Variants in GPHN observed in about 807,000 individuals in gnomAD.
GPHN encodes the protein gephyrin.
A neutral mutation model predicts 95.5 loss-of-function variants in GPHN; 17 were observed. That is an observed-to-expected ratio of 0.18 (90% CI 0.12 to 0.27). GPHN has a LOEUF of 0.27. GPHN is among the 10% of genes least tolerant of loss of function. The probability of loss-of-function intolerance (pLI) is 1.00; values close to 1 mark genes in which losing one functional copy is unlikely to be tolerated. For missense variants in GPHN, 660 were observed against 978.1 expected, an observed-to-expected ratio of 0.67 and a Z score of 4.34; for synonymous variants, 320 against 322.5, an observed-to-expected ratio of 0.99 and a Z score of 0.08.
chr14:66,525,688 T>C (rs1594819704), intron 1 of GPHN, among the ~76,000 whole-genome samples: 1 of 152,178 alleles, frequency 6.6e-6, no homozygotes, highest in Admixed American at 6.5e-5. Context: ...AAGGAAGGGG[T>C]CCAGTTTCAC....
At chr14:67,580,780 G>A in the GPHN span, 2 of 584,992 alleles carry the variant, frequency 3.4e-6, no homozygotes, top group Admixed American at 3.0e-5. Context: ...TGCCACCTTG[G>A]GTCCAGGAAG....
At chr14:66,729,555 A>G (rs1303894489) in intron 2 of GPHN, among the ~76,000 whole-genome samples, 1 of 152,184 alleles carries the variant, frequency 6.6e-6, no homozygotes, top group African/African-American at 2.4e-5. Context: ...GGGAAATTTG[A>G]GATCTTTCTT....
chr14:67,254,918 A>G, the GPHN span, among the ~76,000 whole-genome samples: 1 of 152,264 alleles, frequency 6.6e-6, no homozygotes, highest in Non-Finnish European at 1.5e-5. Context: ...TGGGAGGCCA[A>G]GGCGGGCAGA....
At chr14:66,790,490 C>T (rs1473830457) in intron 3 of GPHN, among the ~76,000 whole-genome samples, 1 of 152,174 alleles carries the variant, frequency 6.6e-6, no homozygotes, top group African/African-American at 2.4e-5. Context: ...CTTTTAAATG[C>T]TCAAGATAAT....
intron 2 of GPHN, among the ~76,000 whole-genome samples, chr14:66,697,867 T>C (rs893162573): frequency 2.0e-5 from 3 of 151,916 alleles, no homozygotes; most frequent in African/African-American, 7.3e-5. Context: ...TTTACAATTA[T>C]TATTTATTGT....
At chr14:66,779,176 T>C (rs2059513572) in intron 3 of GPHN, among the ~76,000 whole-genome samples, 2 of 152,292 alleles carry the variant, frequency 1.3e-5, no homozygotes, top group South Asian at 4.1e-4. Flanking sequence ...ATGGTCAACA[T>C]CAGAAATTAA....
chr14:67,128,296 G>A (rs759839215), intron 17 of GPHN, among the ~76,000 whole-genome samples: 2 of 149,614 alleles, frequency 1.3e-5, no homozygotes, highest in African/African-American at 2.5e-5. Context: ...TCGCTCTGTC[G>A]CCCAGGCTGG....
chr14:66,519,038 C>G (rs768884066), intron 1 of GPHN, among the ~76,000 whole-genome samples: 5 of 151,974 alleles, frequency 3.3e-5, no homozygotes, highest in Non-Finnish European at 7.4e-5. Context: ...TATTAATTAT[C>G]TAATCTGATC....
chr14:67,190,665 G>A, the GPHN span, among the ~76,000 whole-genome samples: 1 of 152,122 alleles, frequency 6.6e-6, no homozygotes, highest in Non-Finnish European at 1.5e-5. Context: ...CAGAACACAA[G>A]GCTTTCTCTT....
At chr14:66,781,436 C>T (rs1252091363) in intron 3 of GPHN, among the ~76,000 whole-genome samples, 3 of 151,974 alleles carry the variant, frequency 2.0e-5, no homozygotes, top group East Asian at 3.9e-4. Flanking sequence ...AGGCTGGTCT[C>T]GAACCTCCTG....
At chr14:67,724,034 C>A in the GPHN span, among the ~76,000 whole-genome samples, 17,087 of 152,250 alleles carry the variant, frequency 0.11, 1,340 homozygotes, top group South Asian at 0.33. Flanking sequence ...TGCCACCCCC[C>A]ACAGAGTGCT....
chr14:66,728,880 G>A (rs887870898), intron 2 of GPHN, among the ~76,000 whole-genome samples: 7 of 152,080 alleles, frequency 4.6e-5, no homozygotes, highest in Non-Finnish European at 8.8e-5. Flanking sequence ...AGGAGGGGTC[G>A]GGGTGGAATG....
At chr14:67,201,397 C>T in the GPHN span, 1 of 455,480 alleles carries the variant, frequency 2.2e-6, no homozygotes, top group South Asian at 1.6e-5. Context: ...AGTAGAAGAC[C>T]CCAATTCTCT....
At chr14:66,892,839 T>C (rs989108638) in intron 5 of GPHN, among the ~76,000 whole-genome samples, 11 of 152,236 alleles carry the variant, frequency 7.2e-5, no homozygotes, top group African/African-American at 2.4e-4. Flanking sequence ...ATAATGTGAA[T>C]GTACTTAATG....
chr14:67,061,253 C>T (rs942433155), intron 11 of GPHN, among the ~76,000 whole-genome samples: 1 of 152,096 alleles, frequency 6.6e-6, no homozygotes, highest in Non-Finnish European at 1.5e-5. Flanking sequence ...GTTGGTCAGG[C>T]TGGTCTCGAA....
At chr14:67,186,774 A>C (rs1006045949), downstream of GPHN, among the ~76,000 whole-genome samples, 1 of 152,216 alleles carries the variant, frequency 6.6e-6, no homozygotes, top group Non-Finnish European at 1.5e-5. Flanking sequence ...GGTCTAATGC[A>C]ACCTATTATT....
intron 1 of GPHN, among the ~76,000 whole-genome samples, chr14:66,545,647 C>G (rs866619164): frequency 3.0e-5 from 4 of 133,620 alleles, no homozygotes; most frequent in Admixed American, 1.4e-4. Context: ...GGTGGCTGGC[C>G]GGGCAGAGGG....
chr14:66,597,678 C>T (rs1391148742), intron 1 of GPHN, among the ~76,000 whole-genome samples: 1 of 152,160 alleles, frequency 6.6e-6, no homozygotes, highest in Non-Finnish European at 1.5e-5. Flanking sequence ...GAGGGTAGGG[C>T]TCCTGCCCCT....
the GPHN span, chr14:67,660,195 A>G: frequency 7.2e-6 from 2 of 276,506 alleles, no homozygotes; most frequent in Non-Finnish European, 1.4e-5. Context: ...AAACACTTTT[A>G]TATACATTCT....
Sources: allele counts gnomAD v4.1 joint callset (sites outside exome capture counted in the v4.1 genomes callset), GRCh38; gene constraint gnomAD v4.1.1; transcripts MANE v1.5; gene names NCBI Gene and HGNC (gene_info 2026-07-23, HGNC 2026-07-21).